The following TNFSF13B variants were observed in gnomAD, a reference collection of about 807,000 sequenced individuals.
TNFSF13B encodes TNF superfamily member 13b.
TNFSF13B carries 8 observed loss-of-function variants against 29.1 expected under a neutral mutation model. That is an observed-to-expected ratio of 0.27 (90% CI 0.16 to 0.50). The LOEUF (loss-of-function observed/expected upper bound fraction) is 0.50. Ranked by LOEUF, TNFSF13B falls within the 20% of genes least tolerant of loss-of-function variation. The probability of loss-of-function intolerance (pLI) is 0.98; values close to 1 mark genes in which losing one functional copy is unlikely to be tolerated. For missense variants in TNFSF13B, 248 were observed against 334.9 expected (o/e 0.74, Z 2.03); for synonymous variants, 125 against 130.8 (o/e 0.96, Z 0.30).
At chr13:108,273,806 G>A (rs953011363) in intron 2 of TNFSF13B, among the ~76,000 whole-genome samples, 1 of 152,122 alleles carries the variant, frequency 6.6e-6, no homozygotes, top group Non-Finnish European at 1.5e-5. Flanking sequence ...TGCTGGAAAT[G>A]CTCCCAGGAA....
At chr13:108,271,009 G>A (rs1001805338) in intron 2 of TNFSF13B, among the ~76,000 whole-genome samples, 108 of 150,474 alleles carry the variant, frequency 7.2e-4, no homozygotes, top group African/African-American at 2.5e-3. Context: ...TTCTCTTTAA[G>A]GTACGCTTTT....
intron 5 of TNFSF13B, among the ~76,000 whole-genome samples, chr13:108,304,440 C>G (rs911457421): frequency 1.3e-5 from 2 of 152,164 alleles, no homozygotes; most frequent in African/African-American, 4.8e-5. Context: ...TACCTTTGCA[C>G]CCAGGAGCAG....
chr13:108,288,180 T>C (rs1055519270), intron 3 of TNFSF13B, among the ~76,000 whole-genome samples: 2 of 152,226 alleles, frequency 1.3e-5, no homozygotes, highest in Non-Finnish European at 2.9e-5. Context: ...CATTTGTTTA[T>C]ATAAGATAAC....
At chr13:108,270,811 G>T (rs544489717) in intron 2 of TNFSF13B, among the ~76,000 whole-genome samples, 17 of 152,232 alleles carry the variant, frequency 1.1e-4, no homozygotes, top group African/African-American at 3.9e-4. Context: ...ATTAGACTTT[G>T]CTTACTACCT....
At chr13:108,303,641 TGAA>T in intron 5 of TNFSF13B, 37 bp downstream of exon 5, 1 of 1,573,644 alleles carries the variant, frequency 6.4e-7, no homozygotes, top group African/African-American at 1.4e-5. Context: ...AATTGTGAAA[TGAA>T]GAGACTTTGA....
chr13:108,281,559 AC>A (rs1435507293), intron 2 of TNFSF13B, among the ~76,000 whole-genome samples: 1 of 151,996 alleles, frequency 6.6e-6, no homozygotes, highest in Admixed American at 6.6e-5. Context: ...CTTTGCTGCC[AC>A]CCTCCCTTTA....
intron 3 of TNFSF13B, 135 bp from the exon 4 acceptor site, chr13:108,303,118 T>C (rs948370160): frequency 2.7e-6 from 2 of 729,512 alleles, no homozygotes; most frequent in East Asian, 5.6e-5. Context: ...CCTTTTTCCT[T>C]TTTTTTCTTT....
rs139305224 is a variant in TNFSF13B, at chr13:108,276,590, CA to C, written c.424+6173del. 9.4e-3 allele frequency among the ~76,000 whole-genome samples: 1,426 copies of C among 151,800 alleles called. 77 individuals are homozygous for C. Among genetic ancestry groups the C allele is most frequent in the Admixed American group, 0.087 (1,326 of 15,244 alleles). ...TATAGTTAATTAGCAAATTAAAATA[CA>C]AAAAAATGGTAAATATGTTGAAAAA... On this transcript the variant is annotated intron_variant, in intron 2 of 5. Transcript: ENST00000375887.
At chr13:108,291,213 CT>C (rs201196912) in intron 3 of TNFSF13B, among the ~76,000 whole-genome samples, 2 of 150,842 alleles carry the variant, frequency 1.3e-5, no homozygotes, top group Non-Finnish European at 3.0e-5. Flanking sequence ...TAGAATTTTT[CT>C]TTTTTTTCTA....
rs762153566 is a variant in TNFSF13B, at chr13:108,269,965, C to T, written c.70C>T (p.Leu24=). ...CCTTAAGAAAAGAGAAGAAATGAAA[C>T]TGAAGGAGTGTGTTTCCATCCTCCC... is the stretch of plus-strand genomic sequence containing the variant. ...SCLKKREEMK[L]KECVSILPRK... Residue 24 remains leucine (L), a synonymous_variant, in exon 1 of 6, where the codon CTG becomes TTG. Transcript: ENST00000375887. 4.3e-6 allele frequency: 7 copies of T among 1,613,716 alleles called. No homozygotes were observed. The highest frequency in any genetic ancestry group is 1.7e-4 in the Middle Eastern group (1 of 6,060).
In TNFSF13B at chr13:108,306,865, C is replaced by T. The variant is rs1881789933; in HGVS notation, c.785C>T (p.Ala262Val). 1.2e-6 allele frequency: 2 copies of T among 1,610,828 alleles called. No individual in the cohort carries two copies. The highest frequency in any genetic ancestry group is 2.7e-5 in the African/African-American group (2 of 74,588). Residue 262 changes from alanine (A) to valine (V), a missense_variant, in exon 6 of 6, where the codon GCA becomes GTA. Physicochemically the swap from Ala to Val is moderately conservative, Grantham distance 64. Around this residue, in one of 2 missense-constraint regions of TNFSF13B, gnomAD observed 62 missense variants for 138.6 expected, o/e 0.45. Coordinates refer to ENST00000375887, the MANE Select transcript of TNFSF13B (RefSeq NM_006573.5). ...GAAGAAGGAGATGAACTCCAACTTG[C>T]AATACCAAGAGAAAATGCACAAATA... Reference protein sequence around the residue: ...KLEEGDELQLAIPRENAQISL... With the variant: ...KLEEGDELQLVIPRENAQISL...
intron 2 of TNFSF13B, among the ~76,000 whole-genome samples, chr13:108,276,407 C>A (rs1206235211): frequency 6.6e-6 from 1 of 152,188 alleles, no homozygotes; most frequent in Admixed American, 6.5e-5. Context: ...CGTTGACCTT[C>A]CAACCAAATC....
At chr13:108,275,766 T>C (rs961026970) in intron 2 of TNFSF13B, among the ~76,000 whole-genome samples, 1 of 152,146 alleles carries the variant, frequency 6.6e-6, no homozygotes, top group Admixed American at 6.6e-5. Context: ...ACATGGTATT[T>C]CATTACAAAA....
intron 5 of TNFSF13B, among the ~76,000 whole-genome samples, chr13:108,306,212 A>G (rs1291040185): frequency 6.6e-6 from 1 of 152,100 alleles, no homozygotes; most frequent in Non-Finnish European, 1.5e-5. Context: ...TTTTGATTAT[A>G]AAGACAAACA....
At chr13:108,291,285 T>C (rs151171643) in intron 3 of TNFSF13B, among the ~76,000 whole-genome samples, 119 of 152,034 alleles carry the variant, frequency 7.8e-4, no homozygotes, top group African/African-American at 2.6e-3. Flanking sequence ...AAATACGTGC[T>C]ATTTTTGTTG....
intron 3 of TNFSF13B, among the ~76,000 whole-genome samples, chr13:108,299,776 A>ATG (rs1009776978): frequency 1.3e-5 from 2 of 151,734 alleles, no homozygotes; most frequent in Admixed American, 6.6e-5. Context: ...GGATGTGCGT[A>ATG]TGTGTGTGTG....
At chr13:108,289,387 A>G (rs1045679232) in intron 3 of TNFSF13B, among the ~76,000 whole-genome samples, 5 of 152,014 alleles carry the variant, frequency 3.3e-5, no homozygotes, top group African/African-American at 1.2e-4. Flanking sequence ...TGACCAGTAT[A>G]TAAATGTGAG....
chr13:108,293,903 C>G (rs1881393104), intron 3 of TNFSF13B, among the ~76,000 whole-genome samples: 1 of 152,162 alleles, frequency 6.6e-6, no homozygotes, highest in East Asian at 1.9e-4. Context: ...TTAACCCATC[C>G]TGAAGGCTGT....
chr13:108,288,484 T>C (rs1408608609), intron 3 of TNFSF13B, among the ~76,000 whole-genome samples: 1 of 152,192 alleles, frequency 6.6e-6, no homozygotes, highest in East Asian at 1.9e-4. Context: ...AACACTTACA[T>C]TAGTCTACAA....
Sources: allele counts gnomAD v4.1 joint callset (sites outside exome capture counted in the v4.1 genomes callset), GRCh38; gene constraint gnomAD v4.1.1; regional missense constraint gnomAD v4.1.1; transcripts MANE v1.5; gene names NCBI Gene and HGNC (gene_info 2026-07-23, HGNC 2026-07-21).